The following TECPR2 variants were observed in gnomAD, a reference collection of about 807,000 sequenced individuals.
TECPR2 encodes the protein tectonin beta-propeller repeat containing 2, also known as tectonin beta-propeller repeat-containing protein 2.
TECPR2 carries 65 observed loss-of-function variants against 138.1 expected under a neutral mutation model. That is an observed-to-expected ratio of 0.47 (90% confidence interval 0.39 to 0.58). The LOEUF (loss-of-function observed/expected upper bound fraction) is 0.58. Ranked by LOEUF, TECPR2 falls within the 20% of genes least tolerant of loss-of-function variation. TECPR2 has a pLI of 0.00. For missense variants in TECPR2, 1,553 were observed against 1,824.5 expected (o/e 0.85, Z 2.71); for synonymous variants, 746 against 749.8 (o/e 0.99, Z 0.08).
rs753074688 is a variant in TECPR2, at chr14:102,497,136, CAG to C, written c.3931+17_3931+18del. 6.8e-6 allele frequency: 11 copies of C among 1,607,330 alleles called. No individual in the cohort carries two copies. The East Asian group carries it at 2.2e-4, about 33-fold the overall frequency. The stretch of plus-strand genomic sequence containing the variant: ...CATGTGCCAGGTAGGAGCCTGCAGA[CAG>C]GGCCTGTGGTGCCGGCCAGCCGGGG... On this transcript the variant is annotated intron_variant, in intron 18 of 19. Coordinates refer to ENST00000359520, the MANE Select transcript of TECPR2 (RefSeq NM_014844.5).
At chr14:102,423,002 A>G (rs951380516) in intron 5 of TECPR2, among the ~76,000 whole-genome samples, 4 of 152,222 alleles carry the variant, frequency 2.6e-5, no homozygotes, top group Admixed American at 2.0e-4. Context: ...TAGATAGACA[A>G]ACAGTCATCA....
At position 102,425,130 on chromosome 14, in the gene TECPR2, G is replaced by A; in HGVS notation, c.790G>A (p.Gly264Arg). ...TATCTTAAAAGATGCTTTTGCCGGG[G>A]GAGTCAAGCCTTTTGAACTGCACCC... ...TFILKDAFAG[G>R]VKPFELHPRL... Residue 264 changes from glycine (G) to arginine (R), a missense_variant, in exon 6 of 20, where the codon GGA becomes AGA. Physicochemically the swap from Gly to Arg is moderately radical, Grantham distance 125. Coordinates refer to ENST00000359520, the MANE Select transcript of TECPR2 (RefSeq NM_014844.5). The A allele has an allele frequency of 8.1e-6, 13 of 1,614,146 alleles. No individual in the cohort carries two copies. The highest frequency in any genetic ancestry group is 2.2e-5 in the East Asian group (1 of 44,888).
At chr14:102,428,224 T>TG (rs1567336392) in intron 6 of TECPR2, 26 bp from the exon 7 acceptor site, 2 of 528,368 alleles carry the variant, frequency 3.8e-6, no homozygotes, top group African/African-American at 3.6e-5. Flanking sequence ...TGTTTTTTGT[T>TG]TTTTTTTTTT....
Position 102,498,447 on chromosome 14 carries a change from C to T in TECPR2, c.*190C>T, listed in dbSNP as rs1567367008. On this transcript the variant is annotated 3_prime_UTR_variant, in exon 20 of 20. Transcript: ENST00000359520. ...CAGAACCCACAGCCTCCACCCGTGG[C>T]TGGCGTGATTGCTGCAGCAGTGGCG... is the stretch of plus-strand genomic sequence containing the variant. The T allele has an allele frequency of 1.3e-6, 1 of 763,988 alleles. No homozygotes were observed. Among genetic ancestry groups the T allele is most frequent in the Admixed American group, 3.0e-5 (1 of 33,782 alleles). The allele number at this position is 763,988 out of a possible 1,614,324, so 47.3% of individuals were successfully genotyped here. A position where few individuals can be genotyped will look rare whatever the true frequency, so the allele number is the denominator to read the frequency against.
chr14:102,498,049 C>CCAAGCTCCCAGCTCCATCTGTGCT, intron 19 of TECPR2, 54 bp from the exon 20 acceptor site: 2 of 1,584,262 alleles, frequency 1.3e-6, no homozygotes, highest in Non-Finnish European at 1.7e-6. Flanking sequence ...CCATCTGTGC[C>CCAAGCTCCCAGCTCCATCTGTGCT]CACCCCACAG....
At chr14:102,384,401 G>A (rs561633800) in intron 2 of TECPR2, among the ~76,000 whole-genome samples, 23 of 151,974 alleles carry the variant, frequency 1.5e-4, no homozygotes, top group African/African-American at 2.2e-4. Flanking sequence ...ATGGTAGGCC[G>A]GGCATGGTGG....
chr14:102,384,515 A>G (rs1887936067), intron 2 of TECPR2, among the ~76,000 whole-genome samples: 1 of 151,556 alleles, frequency 6.6e-6, no homozygotes, highest in Non-Finnish European at 1.5e-5. Context: ...CATCTCTACT[A>G]AAAATAGAAA....
At chr14:102,463,462 G>C (rs1890469702) in intron 16 of TECPR2, among the ~76,000 whole-genome samples, 1 of 150,682 alleles carries the variant, frequency 6.6e-6, no homozygotes, top group Non-Finnish European at 1.5e-5. Context: ...AAAACAGGAG[G>C]CAGAGGTTGC....
intron 2 of TECPR2, among the ~76,000 whole-genome samples, chr14:102,384,305 T>A (rs1887929242): frequency 6.6e-6 from 1 of 152,110 alleles, no homozygotes; most frequent in Admixed American, 6.6e-5. Flanking sequence ...AGTCCAAGAT[T>A]GGGCAGCTGC....
Position 102,401,760 on chromosome 14 carries a change from G to A in TECPR2, c.220-5578G>A, listed in dbSNP as rs375486459. Reference sequence around the variant, plus strand: ...GCAGAGCTTGCAGTGAGCCGAGATCGCACCACTGTACTCCAGCCTGTGCAA... The same window carrying A: ...GCAGAGCTTGCAGTGAGCCGAGATCACACCACTGTACTCCAGCCTGTGCAA... On this transcript the variant is annotated intron_variant, in intron 2 of 19. Transcript: ENST00000359520. Among the ~76,000 whole-genome samples, 19 of 120,354 alleles carry A rather than the reference G, an allele frequency of 1.6e-4. 1 individual carries two copies. The highest frequency in any genetic ancestry group is 0.018 in the Middle Eastern group (2 of 112). The allele number at this position is 120,354 out of a possible 152,430, so 79.0% of individuals were successfully genotyped here.
chr14:102,422,811 T>C (rs1889220460), intron 5 of TECPR2, among the ~76,000 whole-genome samples: 1 of 152,202 alleles, frequency 6.6e-6, no homozygotes, highest in African/African-American at 2.4e-5. Flanking sequence ...CAGGTGTACC[T>C]TTCCTTGCTA....
At chr14:102,478,658 A>G (rs1890820219) in intron 17 of TECPR2, among the ~76,000 whole-genome samples, 1 of 151,838 alleles carries the variant, frequency 6.6e-6, no homozygotes. Context: ...CAAAAAAAAA[A>G]AAAAGTTTTA....
chr14:102,435,992 G>T (rs4906198), intron 9 of TECPR2, among the ~76,000 whole-genome samples: 1 of 152,048 alleles, frequency 6.6e-6, no homozygotes, highest in African/African-American at 2.4e-5. Flanking sequence ...CACAGTCTAC[G>T]CTGGCTTCTG....
intron 16 of TECPR2, among the ~76,000 whole-genome samples, chr14:102,455,468 G>T (rs775981633): frequency 1.5e-4 from 23 of 151,992 alleles, no homozygotes; most frequent in Non-Finnish European, 2.1e-4. Flanking sequence ...TTTTTTCCAG[G>T]TGGGGTCTCA....
chr14:102,474,141 CCCAGCTACT>C lies in TECPR2; in HGVS notation c.3789+8863_3789+8871del, dbSNP rs1161299598. On this transcript the variant is annotated intron_variant, in intron 17 of 19. Coordinates refer to ENST00000359520, the MANE Select transcript of TECPR2 (RefSeq NM_014844.5). The stretch of plus-strand genomic sequence containing the variant: ...AGGTGTGTTGGCGTGCACCTGTGGT[CCCAGCTACT>C]CCAGCTACTCAGGAGGCTGAGGTGG... 3.9e-5 allele frequency among the ~76,000 whole-genome samples: 6 copies of C among 152,118 alleles called. 1 individual carries two copies. Among genetic ancestry groups the C allele is most frequent in the African/African-American group, 1.4e-4 (6 of 41,474 alleles).
chr14:102,437,029 G>T (rs1263014492), intron 9 of TECPR2: 4 of 985,332 alleles, frequency 4.1e-6, no homozygotes, highest in Non-Finnish European at 4.8e-6. Context: ...TCCCACTCCA[G>T]GTAGCTGGGA....
At chr14:102,484,940 C>T (rs971043756) in intron 17 of TECPR2, among the ~76,000 whole-genome samples, 11 of 152,272 alleles carry the variant, frequency 7.2e-5, no homozygotes, top group East Asian at 1.9e-4. Context: ...ATTACAGGCG[C>T]GAGCCACTGC....
At chr14:102,488,211 T>G (rs191434326) in intron 17 of TECPR2, among the ~76,000 whole-genome samples, 49 of 152,172 alleles carry the variant, frequency 3.2e-4, no homozygotes, top group Non-Finnish European at 6.3e-4. Context: ...CTACTTTTTT[T>G]TTGTTTTTTT....
At chr14:102,497,807 C>T in intron 19 of TECPR2, 88 bp downstream of exon 19, 2 of 1,419,404 alleles carry the variant, frequency 1.4e-6, no homozygotes, top group Admixed American at 2.5e-5. Context: ...AAGAAGCCGA[C>T]CCCACTGGGC....
Sources: gnomAD v4.1 joint callset for allele counts (sites outside exome capture counted in the v4.1 genomes callset) on GRCh38, gnomAD v4.1.1 for gene constraint, MANE v1.5 for transcripts, NCBI Gene and HGNC (gene_info 2026-07-23, HGNC 2026-07-21) for gene names.